The following HORMAD2 variants were observed in gnomAD, a reference collection of about 807,000 sequenced individuals.
HORMAD2 encodes the protein HORMA domain-containing protein 2.
HORMAD2 carries 45 observed loss-of-function variants against 38.8 expected under a neutral mutation model. That is an observed-to-expected ratio of 1.16 (90% CI 0.91 to 1.49). The LOEUF (loss-of-function observed/expected upper bound fraction) is 1.49, where lower values mean the gene tolerates loss of function less well. Among genes scored for constraint, HORMAD2 ranks in the 40% most tolerant of loss-of-function variants. The pLI, the probability that HORMAD2 is intolerant of heterozygous loss-of-function variation, is 0.00. For missense variants in HORMAD2, 338 were observed against 367.0 expected (o/e 0.92, Z 0.65); for synonymous variants, 126 against 122.8 (o/e 1.03, Z -0.17).
chr22:30,183,099 T>C, the HORMAD2 span, among the ~76,000 whole-genome samples: 1 of 152,200 alleles, frequency 6.6e-6, no homozygotes, highest in Non-Finnish European at 1.5e-5. Context: ...GGCATGATTA[T>C]TGAAGTAGCC....
intron 8 of HORMAD2, among the ~76,000 whole-genome samples, chr22:30,120,998 A>C (rs5997574): frequency 0.011 from 1,609 of 152,318 alleles, 28 homozygotes; most frequent in African/African-American, 0.036. Flanking sequence ...TGATGGATAT[A>C]ATAGAAGAAT....
intron 10 of HORMAD2, among the ~76,000 whole-genome samples, chr22:30,131,181 C>T (rs1923259089): frequency 6.6e-6 from 1 of 152,144 alleles, no homozygotes; most frequent in South Asian, 2.1e-4. Flanking sequence ...GGAAAAAGTA[C>T]TTCTTTCTAG....
chr22:30,198,186 A>T, the HORMAD2 span, among the ~76,000 whole-genome samples: 1 of 152,180 alleles, frequency 6.6e-6, no homozygotes, highest in African/African-American at 2.4e-5. Context: ...TCTCAAAAAA[A>T]TAGGAAGAGT....
At chr22:30,161,168 T>G (rs1316289023) in intron 10 of HORMAD2, among the ~76,000 whole-genome samples, 1 of 152,316 alleles carries the variant, frequency 6.6e-6, no homozygotes, top group African/African-American at 2.4e-5. Context: ...TGACCTGAGG[T>G]TTAGATATTG....
At chr22:30,172,408 C>T (rs978165552) in intron 10 of HORMAD2, among the ~76,000 whole-genome samples, 2 of 152,182 alleles carry the variant, frequency 1.3e-5, no homozygotes, top group African/African-American at 2.4e-5. Context: ...TACTTAATGT[C>T]TCTCCTTTAC....
intron 2 of HORMAD2, among the ~76,000 whole-genome samples, chr22:30,094,990 C>CT (rs1426981203): frequency 6.6e-6 from 1 of 152,064 alleles, no homozygotes; most frequent in African/African-American, 2.4e-5. Flanking sequence ...TCTGTTTATA[C>CT]CTTCCATCTG....
At chr22:30,130,353 G>A (rs1204205110) in intron 10 of HORMAD2, among the ~76,000 whole-genome samples, 8 of 152,064 alleles carry the variant, frequency 5.3e-5, no homozygotes, top group Admixed American at 5.2e-4. Context: ...TTATAATTTG[G>A]CAATGGATTC....
the HORMAD2 span, among the ~76,000 whole-genome samples, chr22:30,192,471 C>G: frequency 6.6e-6 from 1 of 151,956 alleles, no homozygotes; most frequent in Non-Finnish European, 1.5e-5. Flanking sequence ...AGAAAATGGA[C>G]CAGTGTGGCA....
chr22:30,132,614 T>C (rs1923365687), intron 10 of HORMAD2, among the ~76,000 whole-genome samples: 1 of 152,138 alleles, frequency 6.6e-6, no homozygotes. Context: ...TCTAGTCCTT[T>C]TCATTAAGTT....
the HORMAD2 span, among the ~76,000 whole-genome samples, chr22:30,192,939 A>G: frequency 4.6e-5 from 7 of 152,316 alleles, no homozygotes; most frequent in South Asian, 2.1e-4. Flanking sequence ...TTGTTTGCCA[A>G]TGACATAAGG....
intron 1 of HORMAD2, among the ~76,000 whole-genome samples, chr22:30,088,123 ACG>A (rs200453285): frequency 7.7e-5 from 10 of 129,176 alleles, no homozygotes; most frequent in Non-Finnish European, 1.2e-4. Flanking sequence ...ATATACACAC[ACG>A]TACACATGTG....
chr22:30,165,401 C>A (rs1925715177), intron 10 of HORMAD2, among the ~76,000 whole-genome samples: 1 of 152,072 alleles, frequency 6.6e-6, no homozygotes, highest in Non-Finnish European at 1.5e-5. Flanking sequence ...TCCTTGAGAT[C>A]CCATATAAAT....
chr22:30,121,447 T>C (rs1922421105), intron 8 of HORMAD2, among the ~76,000 whole-genome samples, 185 bp from the exon 9 acceptor site: 1 of 152,218 alleles, frequency 6.6e-6, no homozygotes, highest in African/African-American at 2.4e-5. Flanking sequence ...AATTTGCTAC[T>C]TAAGAAATTC....
chr22:30,088,064 T>C (rs1031882423), intron 1 of HORMAD2, among the ~76,000 whole-genome samples: 6 of 89,376 alleles, frequency 6.7e-5, no homozygotes, highest in South Asian at 4.6e-4. Context: ...CGTATACATA[T>C]ACACACACGT....
chr22:30,180,537 A>G (rs1046028068), downstream of HORMAD2, among the ~76,000 whole-genome samples: 3 of 151,856 alleles, frequency 2.0e-5, no homozygotes, highest in Non-Finnish European at 4.4e-5. Context: ...TAGATTCAAA[A>G]CCTCTCATTT....
At chr22:30,196,063 G>T in the HORMAD2 span, among the ~76,000 whole-genome samples, 237 of 152,312 alleles carry the variant, frequency 1.6e-3, 1 homozygote, top group Non-Finnish European at 2.8e-3. Flanking sequence ...GTCAAATATT[G>T]TTCACTCGCA....
chr22:30,155,925 T>C (rs568924211), intron 10 of HORMAD2, among the ~76,000 whole-genome samples: 2 of 152,286 alleles, frequency 1.3e-5, no homozygotes, highest in African/African-American at 4.8e-5. Flanking sequence ...CCTCTAGGAC[T>C]CTTGACTCTA....
the HORMAD2 span, among the ~76,000 whole-genome samples, chr22:30,185,386 G>T: frequency 6.6e-6 from 1 of 152,188 alleles, no homozygotes; most frequent in African/African-American, 2.4e-5. Flanking sequence ...GAGGCCCACA[G>T]GGAAGCTGTT....
At chr22:30,198,370 G>A in the HORMAD2 span, among the ~76,000 whole-genome samples, 26 of 152,146 alleles carry the variant, frequency 1.7e-4, no homozygotes, top group Non-Finnish European at 2.8e-4. Context: ...GCTTGTGGCC[G>A]GAGCTCTGTT....
Sources: gnomAD v4.1 joint callset for allele counts (sites outside exome capture counted in the v4.1 genomes callset) on GRCh38, gnomAD v4.1.1 for gene constraint, MANE v1.5 for transcripts, NCBI Gene and HGNC (gene_info 2026-07-23, HGNC 2026-07-21) for gene names.